Variants in L3MBTL2 observed in about 807,000 individuals in gnomAD.
L3MBTL2 encodes the protein L3MBTL histone methyl-lysine binding protein 2.
A neutral mutation model predicts 86.4 loss-of-function variants in L3MBTL2; 49 were observed. The observed-to-expected ratio is 0.57, with a 90% confidence interval of 0.45 to 0.72. The LOEUF is 0.72. L3MBTL2 is among the 30% of genes least tolerant of loss of function. The pLI is 0.00. For synonymous variants in L3MBTL2, 336 were observed against 350.6 expected, an observed-to-expected ratio of 0.96 and a Z score of 0.47; for missense variants, 755 against 923.7, an observed-to-expected ratio of 0.82 and a Z score of 2.37.
At position 41,224,229 on chromosome 22, in the gene L3MBTL2, G is replaced by T. The variant is rs1400768577; in HGVS notation, c.1152G>T (p.Val384=). 1.9e-6 allele frequency: 3 copies of T among 1,612,124 alleles called. No individual in the cohort carries two copies. In the African/African-American group the frequency reaches 4.0e-5, roughly 22 times the overall value. The change falls in exon 9 of 17, where the codon GTG becomes GTT. Residue 384 remains valine (V), a synonymous_variant. Coordinates refer to ENST00000216237, the MANE Select transcript of L3MBTL2 (RefSeq NM_031488.5). This position sits in a 1 kb window ranked among gnomAD's most constrained non-coding sequence, Gnocchi z 4.9. The part of the protein sequence containing the change: ...LIHPVGWSRR[V]GHGIKMSERR... ...ACCCAGTGGGTTGGTCACGACGTGT[G>T]GGCCACGGCATCAAGATGTCAGGTT... is the stretch of plus-strand genomic sequence containing the variant.
Position 41,227,843 on chromosome 22 carries a change from A to C in L3MBTL2, c.1862A>C (p.Lys621Thr). Residue 621 changes from lysine (K) to threonine (T), a missense_variant, in exon 15 of 17, where the codon AAG becomes ACG. Transcript: ENST00000216237. This position sits in a 1 kb window ranked among gnomAD's most constrained non-coding sequence, Gnocchi z 6.0. The stretch of plus-strand genomic sequence containing the variant: ...CTGAAGGCCAAAGAGGCCACAAAGA[A>C]GAAAAAGAAACAGTTTGGGAAGAAA... ...TPLKAKEATK[K>T]KKKQFGKKRK... 6.2e-7 allele frequency: 1 copy of C among 1,613,714 alleles called. No individual in the cohort carries two copies. Among genetic ancestry groups the C allele is most frequent in the Admixed American group, 1.7e-5 (1 of 60,012 alleles).
At chr22:41,210,759 C>G (rs1015875819) in intron 2 of L3MBTL2, among the ~76,000 whole-genome samples, 1 of 152,206 alleles carries the variant, frequency 6.6e-6, no homozygotes, top group African/African-American at 2.4e-5. Context: ...CCACTGTGCC[C>G]GGCCCTAGTC....
intron 13 of L3MBTL2, 94 bp downstream of exon 13, chr22:41,226,838 C>A: frequency 2.1e-6 from 2 of 962,814 alleles, no homozygotes; most frequent in Non-Finnish European, 3.2e-6. Context: ...CTCTTTCTCT[C>A]GAATCTCTAC....
rs1299843811 is a variant in L3MBTL2, at chr22:41,225,548, C to A, written c.1357-246C>A. Among the ~76,000 whole-genome samples, 1 of 152,204 alleles carries A rather than the reference C, an allele frequency of 6.6e-6. No individual in the cohort carries two copies. Among genetic ancestry groups the A allele is most frequent in the African/African-American group, 2.4e-5 (1 of 41,448 alleles). ...GCGTGTGCTCACCCAAGAACACGGT[C>A]CAACAGGATGGACGCGGCCCCTGCT... On this transcript the variant is annotated intron_variant, in intron 11 of 16. Coordinates refer to ENST00000216237, the MANE Select transcript of L3MBTL2 (RefSeq NM_031488.5). This position sits in a 1 kb window ranked among gnomAD's most constrained non-coding sequence, Gnocchi z 4.1.
intron 2 of L3MBTL2, among the ~76,000 whole-genome samples, chr22:41,213,120 T>G (rs1168525376): frequency 1.3e-5 from 2 of 149,848 alleles, no homozygotes; most frequent in Admixed American, 6.6e-5. Context: ...GGGAGGCTGA[T>G]GCAGGAGAAT....
Position 41,211,886 on chromosome 22 carries a change from CAG to C in L3MBTL2, c.262+1956_262+1957del, listed in dbSNP as rs1349452749. Among the ~76,000 whole-genome samples the C allele has an allele frequency of 1.5e-3, 67 of 46,014 alleles. 1 individual carries two copies. Among genetic ancestry groups the C allele is most frequent in the African/African-American group, 6.1e-3 (65 of 10,688 alleles). 30.2% of individuals were successfully genotyped at this position (46,014 alleles called of 152,430 possible). ...TTTTTTTTTTTTTTTTTTTTTGAAACAGAGTCTCGCTGTGTCACCCAGGCCGG... is the reference window on the plus strand; with the variant it reads ...TTTTTTTTTTTTTTTTTTTTTGAAACAGTCTCGCTGTGTCACCCAGGCCGG... On this transcript the variant is annotated intron_variant, in intron 2 of 16. Coordinates refer to ENST00000216237, the MANE Select transcript of L3MBTL2 (RefSeq NM_031488.5).
In L3MBTL2 at chr22:41,220,761, G is replaced by C. The variant is rs2031753370; in HGVS notation, c.746G>C (p.Gly249Ala). 1.2e-6 allele frequency: 2 copies of C among 1,613,622 alleles called. No individual in the cohort carries two copies. The highest frequency in any genetic ancestry group is 1.7e-6 in the Non-Finnish European group (2 of 1,179,922). Residue 249 changes from glycine (G) to alanine (A), a missense_variant, in exon 7 of 17, where the codon GGC (glycine) becomes GCC (alanine). Gly to Ala is a moderately conservative substitution (Grantham distance 60). Transcript: ENST00000216237. ...AGYRVLLRYE[G>A]FENDASHDFW... ...TATCGGGTGCTGCTTCGGTATGAAG[G>C]CTTTGAAAATGACGCCAGCCATGAC...
intron 16 of L3MBTL2, among the ~76,000 whole-genome samples, 187 bp from the exon 17 acceptor site, chr22:41,229,952 T>C (rs1237629442): frequency 6.6e-6 from 1 of 152,174 alleles, no homozygotes; most frequent in Non-Finnish European, 1.5e-5. Context: ...GTCGTTGGCA[T>C]AGCCTGCCTG....
chr22:41,227,108 T>A lies in L3MBTL2; in HGVS notation c.1607T>A (p.Phe536Tyr), dbSNP rs1308925406. Residue 536 changes from phenylalanine to tyrosine, a missense_variant, in exon 14 of 17, where the codon TTC becomes TAC. Coordinates refer to ENST00000216237, the MANE Select transcript of L3MBTL2 (RefSeq NM_031488.5). The surrounding 1 kb of genome is among the most constrained non-coding windows in gnomAD (Gnocchi z 6.0). ...CCCCAGGATTGCCCAAACCATGGCT[T>A]CAAGGTGGGCATGAAGCTGGAGGCC... is the stretch of plus-strand genomic sequence containing the variant. ...LFNMDCPNHGFKVGMKLEAVD... is the reference protein window; with the variant it reads ...LFNMDCPNHGYKVGMKLEAVD... 3 of 1,612,940 alleles carry A rather than the reference T, an allele frequency of 1.9e-6. No individual in the cohort carries two copies. Among genetic ancestry groups the A allele is most frequent in the Admixed American group, 1.7e-5 (1 of 59,948 alleles).
intron 8 of L3MBTL2, among the ~76,000 whole-genome samples, chr22:41,223,127 C>A (rs1389120182): frequency 1.3e-5 from 2 of 152,104 alleles, no homozygotes; most frequent in African/African-American, 4.8e-5. Flanking sequence ...TATCCCAAGC[C>A]CTTGAGCTGG....
chr22:41,210,159 T>G (rs1458204677), intron 2 of L3MBTL2, among the ~76,000 whole-genome samples: 2 of 147,466 alleles, frequency 1.4e-5, no homozygotes, highest in African/African-American at 5.0e-5. Flanking sequence ...TTTTTTTTTT[T>G]TTTTTTTGAG....
At chr22:41,210,564 C>T (rs991596518) in intron 2 of L3MBTL2, among the ~76,000 whole-genome samples, 6 of 152,264 alleles carry the variant, frequency 3.9e-5, no homozygotes, top group South Asian at 2.1e-4. Flanking sequence ...CTCCTGACCT[C>T]GTGATCCACC....
Position 41,227,944 on chromosome 22 carries a change from G to A in L3MBTL2, c.1888+75G>A, listed in dbSNP as rs1295016606. On this transcript the variant is annotated intron_variant, in intron 15 of 16. Coordinates refer to ENST00000216237, the MANE Select transcript of L3MBTL2 (RefSeq NM_031488.5). The surrounding 1 kb of genome is among the most constrained non-coding windows in gnomAD (Gnocchi z 6.0). Reference sequence around the variant, plus strand: ...GGCCTGCGTCCCTGGGAGCAGGCGGGGGTCAGCCCCCAGGCACTGGTTCCC... The same window carrying A: ...GGCCTGCGTCCCTGGGAGCAGGCGGAGGTCAGCCCCCAGGCACTGGTTCCC... 3 of 1,568,086 alleles carry A rather than the reference G, an allele frequency of 1.9e-6. No homozygotes were observed. The African/African-American group carries it at 4.1e-5, about 21-fold the overall frequency.
intron 8 of L3MBTL2, among the ~76,000 whole-genome samples, chr22:41,222,637 A>G: frequency 6.6e-6 from 1 of 151,776 alleles, no homozygotes; most frequent in East Asian, 1.9e-4. Flanking sequence ...AACATTAGCT[A>G]GGCACGGCAC....
At chr22:41,213,438 C>A (rs1004284484) in intron 2 of L3MBTL2, among the ~76,000 whole-genome samples, 1 of 147,322 alleles carries the variant, frequency 6.8e-6, no homozygotes, top group African/African-American at 2.5e-5. Flanking sequence ...CAGTTTCCCC[C>A]CGCCAAATCA....
chr22:41,230,079 G>GCCC, intron 16 of L3MBTL2, 60 bp from the exon 17 acceptor site: 45 of 532,718 alleles, frequency 8.4e-5, no homozygotes, highest in South Asian at 4.5e-4. Flanking sequence ...CAGCTCCTCC[G>GCCC]CCCCCACCCC....
chr22:41,206,526 C>G (rs1006734857), intron 1 of L3MBTL2, among the ~76,000 whole-genome samples: 4 of 151,466 alleles, frequency 2.6e-5, no homozygotes, highest in Non-Finnish European at 4.4e-5. Flanking sequence ...TTGCTGGGTG[C>G]GGTGGCTCAC....
rs1569135961 is a variant in L3MBTL2, at chr22:41,209,793, G to A, written c.122G>A (p.Gly41Asp). 2 of 1,614,194 alleles carry A rather than the reference G, an allele frequency of 1.2e-6. No individual in the cohort carries two copies. ...TTCCGGAGTTATAACAGCAGTGTGG[G>A]CAGTGAGAGCAGCTCCTATCTGGAG... ...DSFRSYNSSVGSESSSYLEES... is the reference protein window; with the variant it reads ...DSFRSYNSSVDSESSSYLEES... The change falls in exon 2 of 17, where the codon GGC becomes GAC. Residue 41 changes from glycine (G) to aspartate (D), a missense_variant. This residue lies in a region of L3MBTL2 where 103 missense variants were observed against 105.2 expected (regional missense o/e 0.98). Transcript: ENST00000216237.
chr22:41,207,215 C>T (rs1266354133), intron 1 of L3MBTL2, among the ~76,000 whole-genome samples: 2 of 146,942 alleles, frequency 1.4e-5, no homozygotes, highest in Admixed American at 6.8e-5. Context: ...CCTGTATCGT[C>T]TCTTACTTCT....
Sources: allele counts gnomAD v4.1 joint callset (sites outside exome capture counted in the v4.1 genomes callset), GRCh38; gene constraint gnomAD v4.1.1; regional missense constraint gnomAD v4.1.1; non-coding constraint Gnocchi (gnomAD v3.1); transcripts MANE v1.5; gene names NCBI Gene and HGNC (gene_info 2026-07-23, HGNC 2026-07-21).